The following MYZAP variants were observed in gnomAD, a reference collection of about 807,000 sequenced individuals.
The protein encoded by MYZAP is myocardial zonula adherens protein, also known as GRINL1A complex locus upstream.
A neutral mutation model predicts 69.4 loss-of-function variants in MYZAP; 66 were observed. The observed-to-expected ratio is 0.95, with a 90% confidence interval of 0.78 to 1.17. The LOEUF (loss-of-function observed/expected upper bound fraction) is 1.17. Among genes scored for constraint, MYZAP ranks in the 50% most tolerant of loss-of-function variants. The probability of loss-of-function intolerance (pLI) is 0.00; values close to 1 mark genes in which losing one functional copy is unlikely to be tolerated. For synonymous variants in MYZAP, 256 were observed against 205.9 expected, an observed-to-expected ratio of 1.24 and a Z score of -2.09; for missense variants, 611 against 556.2, an observed-to-expected ratio of 1.10 and a Z score of -0.99.
At chr15:57,619,388 T>C in intron 3 of MYZAP, among the ~76,000 whole-genome samples, 1 of 152,244 alleles carries the variant, frequency 6.6e-6, no homozygotes, top group Non-Finnish European at 1.5e-5. Context: ...CGTCTCACTC[T>C]GTCATCCAGG....
chr15:57,673,460 A>ATGCG (rs1567240087), intron 11 of MYZAP, among the ~76,000 whole-genome samples: 3 of 72,868 alleles, frequency 4.1e-5, no homozygotes, highest in Non-Finnish European at 5.8e-5. Context: ...GCATGCGTGC[A>ATGCG]TGCGTGTGTG....
chr15:57,623,802 TAAA>T (rs60114009), intron 4 of MYZAP, among the ~76,000 whole-genome samples: 1 of 132,794 alleles, frequency 7.5e-6, no homozygotes, highest in African/African-American at 2.9e-5. Flanking sequence ...AGTTGTAAAT[TAAA>T]AAAAAAAAAA....
intron 11 of MYZAP, among the ~76,000 whole-genome samples, chr15:57,668,042 T>G (rs1242403570): frequency 6.6e-6 from 1 of 152,222 alleles, no homozygotes; most frequent in East Asian, 1.9e-4. Context: ...TTTCTAGAAA[T>G]GGAATCATAT....
At chr15:57,614,890 T>A (rs2035333630) in intron 2 of MYZAP, among the ~76,000 whole-genome samples, 1 of 152,070 alleles carries the variant, frequency 6.6e-6, no homozygotes, top group Non-Finnish European at 1.5e-5. Flanking sequence ...TTAAAGAAAA[T>A]ATATATTTTA....
At position 57,647,921 on chromosome 15, in the gene MYZAP, T is replaced by A. The variant is rs1358448961; in HGVS notation, c.1119+8376T>A. 5.1e-6 allele frequency: 5 copies of A among 985,274 alleles called. No homozygotes were observed. The South Asian group carries it at 2.3e-4, about 46-fold the overall frequency. 61.0% of individuals were successfully genotyped at this position (985,274 alleles called of 1,614,324 possible). A position where few individuals can be genotyped will look rare whatever the true frequency, so the allele number is the denominator to read the frequency against. ...TACTGCTTGTGAAACCTGAGTCATG[T>A]GCTGAAATCCTGCCCCGCCACCGCT... On this transcript the variant is annotated intron_variant, in intron 10 of 12. Transcript: ENST00000267853.
intron 11 of MYZAP, among the ~76,000 whole-genome samples, chr15:57,673,121 A>T (rs1280264015): frequency 6.6e-6 from 1 of 152,104 alleles, no homozygotes; most frequent in Admixed American, 6.5e-5. Context: ...TTCTGTTTCT[A>T]TGGGTGTCTG....
At chr15:57,653,627 A>G (rs2037836304) in intron 10 of MYZAP, among the ~76,000 whole-genome samples, 1 of 152,140 alleles carries the variant, frequency 6.6e-6, no homozygotes, top group South Asian at 2.1e-4. Context: ...ACCAGGCCAC[A>G]TGCAATTGAG....
intron 2 of MYZAP, among the ~76,000 whole-genome samples, chr15:57,610,925 T>C (rs1463552538): frequency 2.6e-5 from 4 of 152,122 alleles, no homozygotes; most frequent in African/African-American, 9.7e-5. Flanking sequence ...TGGGGGTGAA[T>C]ATTTCGCTGT....
chr15:57,655,441 G>C (rs1299872056), intron 10 of MYZAP, among the ~76,000 whole-genome samples: 1 of 152,108 alleles, frequency 6.6e-6, no homozygotes, highest in Non-Finnish European at 1.5e-5. Context: ...AAGCGTAGGG[G>C]GTTTTTAATT....
At chr15:57,632,896 T>G (rs1221966113) in intron 7 of MYZAP, among the ~76,000 whole-genome samples, 12 of 152,164 alleles carry the variant, frequency 7.9e-5, no homozygotes, top group African/African-American at 2.9e-4. Context: ...TACCTGAAAT[T>G]TCCTCCTTCC....
At chr15:57,627,460 C>A (rs1017509081) in intron 5 of MYZAP, among the ~76,000 whole-genome samples, 2 of 151,444 alleles carry the variant, frequency 1.3e-5, no homozygotes, top group African/African-American at 4.9e-5. Context: ...CATCTCACAG[C>A]AGGAAACTCA....
chr15:57,635,748 C>T (rs185249202), intron 8 of MYZAP, among the ~76,000 whole-genome samples: 12 of 152,350 alleles, frequency 7.9e-5, no homozygotes, highest in Non-Finnish European at 1.3e-4. Context: ...ACTACGTGAA[C>T]GGCATGTCCT....
chr15:57,672,751 T>C (rs2038927482), intron 11 of MYZAP, among the ~76,000 whole-genome samples: 1 of 152,222 alleles, frequency 6.6e-6, no homozygotes, highest in African/African-American at 2.4e-5. Context: ...GTGCCTTTTC[T>C]CAACCCAGTG....
At chr15:57,614,067 C>T (rs547353661) in intron 2 of MYZAP, among the ~76,000 whole-genome samples, 1 of 152,170 alleles carries the variant, frequency 6.6e-6, no homozygotes, top group Non-Finnish European at 1.5e-5. Context: ...GCCATCTATG[C>T]TCCTAGCAGC....
At position 57,679,376 on chromosome 15, in the gene MYZAP, T is replaced by TGTGTG. The variant is rs57864057; in HGVS notation, c.1304+4308_1304+4309insGTGTG. 1.0e-3 allele frequency among the ~76,000 whole-genome samples: 137 copies of TGTGTG among 135,868 alleles called. 2 individuals are homozygous for TGTGTG. The South Asian group carries it at 0.018, about 18-fold the overall frequency. 89.1% of individuals were successfully genotyped at this position (135,868 alleles called of 152,430 possible). On this transcript the variant is annotated intron_variant, in intron 12 of 12. Transcript: ENST00000267853. ...TGTGTGTGTGTGTGTGTGTGTGTGTTTCTCTCTCTCTCTCTCTCTGTCTCC... is the reference window on the plus strand; with the variant it reads ...TGTGTGTGTGTGTGTGTGTGTGTGTTGTGTGTCTCTCTCTCTCTCTCTCTGTCTCC...
At chr15:57,596,690 G>C (rs2034081456) in intron 1 of MYZAP, among the ~76,000 whole-genome samples, 1 of 152,182 alleles carries the variant, frequency 6.6e-6, no homozygotes, top group Non-Finnish European at 1.5e-5. Flanking sequence ...TAGCATCCAG[G>C]CCCTCTGGTT....
intron 10 of MYZAP, among the ~76,000 whole-genome samples, chr15:57,649,703 G>A (rs1206086294): frequency 6.6e-6 from 1 of 152,132 alleles, no homozygotes; most frequent in African/African-American, 2.4e-5. Flanking sequence ...GTTGGCAGAA[G>A]TAAAGTTAAT....
At chr15:57,607,681 C>T (rs1435070259) in intron 2 of MYZAP, among the ~76,000 whole-genome samples, 1 of 152,158 alleles carries the variant, frequency 6.6e-6, no homozygotes, top group African/African-American at 2.4e-5. Flanking sequence ...ACCAGGCGTG[C>T]AGTCTAAGTG....
At chr15:57,657,754 A>G (rs181366900) in intron 10 of MYZAP, among the ~76,000 whole-genome samples, 1 of 152,310 alleles carries the variant, frequency 6.6e-6, no homozygotes, top group African/African-American at 2.4e-5. Context: ...TTATATCCTT[A>G]GGATAAATTC....
Sources: gnomAD v4.1 joint callset for allele counts (sites outside exome capture counted in the v4.1 genomes callset) on GRCh38, gnomAD v4.1.1 for gene constraint, MANE v1.5 for transcripts, NCBI Gene and HGNC (gene_info 2026-07-23, HGNC 2026-07-21) for gene names.